DNAH7: variants seen among roughly 807,000 people sequenced by gnomAD.
DNAH7 encodes dynein axonemal heavy chain 7.
A neutral mutation model predicts 444.6 loss-of-function variants in DNAH7; 397 were observed. The ratio of observed to expected loss-of-function variants is 0.89; its 90% CI spans 0.82 to 0.97. The LOEUF is 0.97. Ranked by LOEUF, DNAH7 falls within the 50% of genes least tolerant of loss-of-function variation. The pLI is 0.00. For synonymous variants in DNAH7, 1,636 were observed against 1,624.4 expected, an observed-to-expected ratio of 1.01 and a Z score of -0.17; for missense variants, 4,902 against 4,800.8, an observed-to-expected ratio of 1.02 and a Z score of -0.62.
At position 195,737,758 on chromosome 2, in the gene DNAH7, G is replaced by GAGTC. The variant is rs1390649626; in HGVS notation, c.*159_*162dup. 1.7e-6 allele frequency: 1 copy of GAGTC among 603,742 alleles called. No individual in the cohort carries two copies. The highest frequency in any genetic ancestry group is 3.0e-5 in the Admixed American group (1 of 33,002). The allele number at this position is 603,742 out of a possible 1,614,324, so 37.4% of individuals were successfully genotyped here. On this transcript the variant is annotated 3_prime_UTR_variant, in exon 65 of 65. Coordinates refer to ENST00000312428, the MANE Select transcript of DNAH7 (RefSeq NM_018897.3). ...AGAACATTTCCTTACATTTAAGTAT[G>GAGTC]AGTCATATTAAGTTTAGCTGCATTT...
intron 57 of DNAH7, among the ~76,000 whole-genome samples, chr2:195,789,930 G>C (rs1331556157): frequency 6.6e-6 from 1 of 152,070 alleles, no homozygotes; most frequent in Non-Finnish European, 1.5e-5. Context: ...AAACACCAAA[G>C]ACTCTGCCAA....
intron 2 of DNAH7, among the ~76,000 whole-genome samples, chr2:196,056,297 T>C (rs1259317232): frequency 6.6e-6 from 1 of 151,206 alleles, no homozygotes; most frequent in Non-Finnish European, 1.5e-5. Flanking sequence ...ATACAAAAAT[T>C]AGGCAGGCGT....
At chr2:195,855,604 A>T (rs1465618448) in intron 45 of DNAH7, among the ~76,000 whole-genome samples, 1 of 152,044 alleles carries the variant, frequency 6.6e-6, no homozygotes, top group African/African-American at 2.4e-5. Context: ...TATGGCCATT[A>T]ATATGTAATT....
intron 28 of DNAH7, among the ~76,000 whole-genome samples, chr2:195,899,541 A>G (rs1482699278): frequency 6.6e-6 from 1 of 152,230 alleles, no homozygotes; most frequent in Non-Finnish European, 1.5e-5. Flanking sequence ...TGTGAAATAG[A>G]ATATCACCAC....
Position 195,980,110 on chromosome 2 carries a change from G to A in DNAH7, c.1833+4522C>T, listed in dbSNP as rs184955703. On this transcript the variant is annotated intron_variant, in intron 15 of 64. Coordinates refer to ENST00000312428, the MANE Select transcript of DNAH7 (RefSeq NM_018897.3). Reference sequence around the variant, plus strand: ...AACTAGAGGAGGGGCGATATGGTTTGGCTGTGTCCCCACCCAAATCTCATC... The same window carrying A: ...AACTAGAGGAGGGGCGATATGGTTTAGCTGTGTCCCCACCCAAATCTCATC... Among the ~76,000 whole-genome samples, 367 of 148,524 alleles carry A rather than the reference G, an allele frequency of 2.5e-3. 2 individuals are homozygous for A. The highest frequency in any genetic ancestry group is 8.8e-3 in the African/African-American group (352 of 40,222).
At chr2:195,789,392 G>A (rs1197465830) in intron 57 of DNAH7, among the ~76,000 whole-genome samples, 1 of 152,144 alleles carries the variant, frequency 6.6e-6, no homozygotes, top group Non-Finnish European at 1.5e-5. Context: ...TTGTAGTAGA[G>A]TGCCAAGTGT....
intron 58 of DNAH7, among the ~76,000 whole-genome samples, chr2:195,780,790 A>G (rs1308159839): frequency 2.0e-5 from 3 of 151,942 alleles, no homozygotes; most frequent in Admixed American, 6.6e-5. Flanking sequence ...ATATATTTTT[A>G]TACTAAAATA....
At chr2:195,956,376 C>G (rs777479222) in intron 19 of DNAH7, among the ~76,000 whole-genome samples, 6 of 152,180 alleles carry the variant, frequency 3.9e-5, no homozygotes, top group Non-Finnish European at 5.9e-5. Flanking sequence ...TTCTGCCAGT[C>G]ATGGTGGCTC....
intron 20 of DNAH7, among the ~76,000 whole-genome samples, chr2:195,936,242 C>T (rs1306304428): frequency 3.3e-5 from 5 of 152,060 alleles, no homozygotes; most frequent in Admixed American, 1.3e-4. Context: ...GGCATGGTGG[C>T]GCACGCCTGT....
chr2:195,837,031 T>C (rs1269608263), intron 47 of DNAH7, among the ~76,000 whole-genome samples: 2 of 152,234 alleles, frequency 1.3e-5, no homozygotes, highest in Admixed American at 6.5e-5. Flanking sequence ...GTTATATTTA[T>C]GGTATTTGCA....
intron 40 of DNAH7, among the ~76,000 whole-genome samples, chr2:195,870,484 C>T (rs1023459390): frequency 2.6e-5 from 4 of 152,200 alleles, no homozygotes; most frequent in Non-Finnish European, 5.9e-5. Context: ...CCAAATGCTT[C>T]CTCGTGAGTT....
intron 6 of DNAH7, 120 bp from the exon 7 acceptor site, chr2:196,027,060 AG>A: frequency 1.4e-6 from 1 of 706,116 alleles, no homozygotes; most frequent in Non-Finnish European, 2.2e-6. Context: ...AGCATAAAAA[AG>A]TATTTGGTAC....
intron 36 of DNAH7, among the ~76,000 whole-genome samples, chr2:195,877,723 AGACGTAG>A: frequency 6.6e-6 from 1 of 152,336 alleles, no homozygotes; most frequent in South Asian, 2.1e-4. Flanking sequence ...AAAATAAGGA[AGACGTAG>A]GGTAACAAGC....
chr2:195,918,599 T>C (rs1383257733), intron 24 of DNAH7, among the ~76,000 whole-genome samples: 2 of 152,234 alleles, frequency 1.3e-5, no homozygotes, highest in Non-Finnish European at 2.9e-5. Flanking sequence ...AAAAGTGTGT[T>C]ATCAAGCTGC....
At chr2:196,039,641 T>G (rs958635427) in intron 5 of DNAH7, among the ~76,000 whole-genome samples, 3 of 151,578 alleles carry the variant, frequency 2.0e-5, no homozygotes, top group African/African-American at 7.3e-5. Context: ...CTGCTAAAAA[T>G]AGAAAAAATT....
chr2:195,999,095 A>T (rs1693882363), intron 12 of DNAH7: 1 of 717,212 alleles, frequency 1.4e-6, no homozygotes, highest in Non-Finnish European at 2.6e-6. Flanking sequence ...GGAAGTCATA[A>T]TTGGCATCTC....
At chr2:196,058,247 G>T in intron 1 of DNAH7, 131 bp from the exon 2 acceptor site, 1 of 549,392 alleles carries the variant, frequency 1.8e-6, no homozygotes. Context: ...CTGTACAAAT[G>T]GCATGATCTT....
chr2:195,920,102 A>G (rs749136992), intron 24 of DNAH7, among the ~76,000 whole-genome samples: 4 of 152,198 alleles, frequency 2.6e-5, no homozygotes, highest in Non-Finnish European at 5.9e-5. Context: ...GCCCATTCTC[A>G]TGGATCAATA....
At chr2:195,738,813 T>C (rs1692811405) in intron 64 of DNAH7, among the ~76,000 whole-genome samples, 1 of 152,166 alleles carries the variant, frequency 6.6e-6, no homozygotes, top group Non-Finnish European at 1.5e-5. Context: ...GTGGAAGTAA[T>C]AGCAATCCTC....
Sources: allele counts gnomAD v4.1 joint callset (sites outside exome capture counted in the v4.1 genomes callset), GRCh38; gene constraint gnomAD v4.1.1; transcripts MANE v1.5; gene names NCBI Gene and HGNC (gene_info 2026-07-23, HGNC 2026-07-21).